Variants in CENPL observed in about 807,000 individuals in gnomAD.
CENPL encodes centromere protein L.
CENPL carries 20 observed loss-of-function variants against 35.2 expected under a neutral mutation model. The ratio of observed to expected loss-of-function variants is 0.57; its 90% CI spans 0.40 to 0.83. CENPL has a LOEUF of 0.83. CENPL is among the 40% of genes least tolerant of loss of function. The pLI, the probability that CENPL is intolerant of heterozygous loss-of-function variation, is 0.00. For missense variants in CENPL, 363 were observed against 395.8 expected, an observed-to-expected ratio of 0.92 and a Z score of 0.70; for synonymous variants, 140 against 140.6, an observed-to-expected ratio of 1.00 and a Z score of 0.03.
At position 173,807,531 on chromosome 1, in the gene CENPL, AT is replaced by A. The variant is rs752114014; in HGVS notation, c.169-14del. The A allele has an allele frequency of 4.4e-5, 66 of 1,486,190 alleles. No individual in the cohort carries two copies. Among genetic ancestry groups the A allele is most frequent in the Non-Finnish European group, 5.8e-5 (65 of 1,111,668 alleles). The allele number at this position is 1,486,190 out of a possible 1,614,324, so 92.1% of individuals were successfully genotyped here. A position where few individuals can be genotyped will look rare whatever the true frequency, so the allele number is the denominator to read the frequency against. On this transcript the variant is annotated splice_polypyrimidine_tract_variant and intron_variant, in intron 3 of 5. Coordinates refer to ENST00000682279, the MANE Select transcript of CENPL (RefSeq NM_001387287.1). ...GGTCAACATCTTCCTATAAAAAAAAATCAAGACAAAAGAAGTTTAAGAATTA... is the reference window on the plus strand; with the variant it reads ...GGTCAACATCTTCCTATAAAAAAAAACAAGACAAAAGAAGTTTAAGAATTA...
At chr1:173,801,752 G>C (rs977779701) in intron 5 of CENPL, among the ~76,000 whole-genome samples, 1 of 152,056 alleles carries the variant, frequency 6.6e-6, no homozygotes, top group African/African-American at 2.4e-5. Context: ...CCCAGGAGGC[G>C]GAAGTTGCAG....
intron 2 of CENPL, among the ~76,000 whole-genome samples, chr1:173,812,424 C>G (rs980174726): frequency 6.6e-6 from 1 of 152,208 alleles, no homozygotes; most frequent in African/African-American, 2.4e-5. Context: ...TAGGGGCCGA[C>G]TGACACCTCA....
At chr1:173,819,790 C>T (rs1394671886) in intron 2 of CENPL, among the ~76,000 whole-genome samples, 1 of 151,960 alleles carries the variant, frequency 6.6e-6, no homozygotes, top group Non-Finnish European at 1.5e-5. Flanking sequence ...CTCCTGGGCT[C>T]CAGCAATTCT....
chr1:173,803,625 A>G (rs1649959215), intron 4 of CENPL, 120 bp from the exon 5 acceptor site: 4 of 838,738 alleles, frequency 4.8e-6, no homozygotes, highest in Non-Finnish European at 1.8e-6. Flanking sequence ...AAAAAAAAAC[A>G]TAGAGGGAAT....
chr1:173,813,285 G>C lies in CENPL; in HGVS notation c.-7-1979C>G, dbSNP rs527519342. On this transcript the variant is annotated intron_variant, in intron 2 of 5. Coordinates refer to ENST00000682279, the MANE Select transcript of CENPL (RefSeq NM_001387287.1). ...TATCCAGGAGAACTTCCCCAACCTA[G>C]CAAGGCAGGCCAACATTCAAATTCA... is the stretch of plus-strand genomic sequence containing the variant. 3.3e-5 allele frequency among the ~76,000 whole-genome samples: 5 copies of C among 152,294 alleles called. No homozygotes were observed. In the South Asian group the frequency reaches 1.0e-3, roughly 32 times the overall value.
At chr1:173,809,400 A>T (rs1254996856) in intron 3 of CENPL, among the ~76,000 whole-genome samples, 1 of 151,808 alleles carries the variant, frequency 6.6e-6, no homozygotes, top group Non-Finnish European at 1.5e-5. Flanking sequence ...ACCAGCCTGG[A>T]CAACAGGGTG....
At chr1:173,819,514 G>C (rs554271568) in intron 2 of CENPL, among the ~76,000 whole-genome samples, 1 of 151,664 alleles carries the variant, frequency 6.6e-6, no homozygotes, top group East Asian at 2.0e-4. Flanking sequence ...GCTTGAACCC[G>C]GGAGGTGGAG....
At chr1:173,813,095 C>T (rs888311665) in intron 2 of CENPL, among the ~76,000 whole-genome samples, 1 of 151,834 alleles carries the variant, frequency 6.6e-6, no homozygotes, top group Admixed American at 6.6e-5. Context: ...ATCAAATTAA[C>T]GAAATAAAGC....
chr1:173,805,814 C>T (rs12561931), intron 4 of CENPL, among the ~76,000 whole-genome samples: 34,717 of 151,990 alleles, frequency 0.23, 4,416 homozygotes, highest in Middle Eastern at 0.39. Context: ...AAGCATCATA[C>T]CAGCCTCGGA....
intron 2 of CENPL, among the ~76,000 whole-genome samples, chr1:173,814,583 A>G (rs1651172912): frequency 6.6e-6 from 1 of 152,220 alleles, no homozygotes; most frequent in Admixed American, 6.5e-5. Flanking sequence ...CTGAATGACT[A>G]CTGGTTAAAT....
Position 173,811,180 on chromosome 1 carries a change from A to C in CENPL, c.120T>G (p.Phe40Leu). The stretch of plus-strand genomic sequence containing the variant: ...TTTTCCTTCGAGGTGGAGTCAGGAT[A>C]AATGAACTCTGCTTCCTGACCGATT... ...RLESVRKQSSFILTPPRRKIP... is the reference protein window; with the variant it reads ...RLESVRKQSSLILTPPRRKIP... The change falls in exon 3 of 6, where the codon TTT (phenylalanine) becomes TTG (leucine). Residue 40 changes from phenylalanine to leucine, a missense_variant. Phe to Leu is a conservative substitution (Grantham distance 22, BLOSUM62 0). Coordinates refer to ENST00000682279, the MANE Select transcript of CENPL (RefSeq NM_001387287.1). The C allele has an allele frequency of 6.2e-7, 1 of 1,614,090 alleles. No individual in the cohort carries two copies. The highest frequency in any genetic ancestry group is 2.2e-5 in the East Asian group (1 of 44,876).
chr1:173,803,455 C>T lies in CENPL; in HGVS notation c.471G>A (p.Leu157=), dbSNP rs765725420. The change falls in exon 5 of 6, where the codon CTG becomes CTA. Residue 157 remains leucine (L), a synonymous_variant. Coordinates refer to ENST00000682279, the MANE Select transcript of CENPL (RefSeq NM_001387287.1). ...ATACACAGCAGAACCAGCCAGTCCACAGCACTTTACCTTCTCTATTCTCAG... is the reference window on the plus strand; with the variant it reads ...ATACACAGCAGAACCAGCCAGTCCATAGCACTTTACCTTCTCTATTCTCAG... ...LPSENREGKV[L]WTGWFCCVFG... 4 of 1,609,140 alleles carry T rather than the reference C, an allele frequency of 2.5e-6. No homozygotes were observed. The African/African-American group carries it at 5.4e-5, about 22-fold the overall frequency.
intron 4 of CENPL, among the ~76,000 whole-genome samples, chr1:173,804,704 CTCTTT>C (rs1241144606): frequency 6.6e-6 from 1 of 152,166 alleles, no homozygotes; most frequent in East Asian, 1.9e-4. Context: ...ACATTTTAAT[CTCTTT>C]TGATTTGGCT....
chr1:173,808,791 C>T (rs940263698), intron 3 of CENPL, among the ~76,000 whole-genome samples: 14 of 151,956 alleles, frequency 9.2e-5, no homozygotes, highest in African/African-American at 2.7e-4. Flanking sequence ...AAACCCTGGA[C>T]GACAACCTAG....
At chr1:173,808,903 C>T (rs967319413) in intron 3 of CENPL, among the ~76,000 whole-genome samples, 1 of 152,068 alleles carries the variant, frequency 6.6e-6, no homozygotes, top group Non-Finnish European at 1.5e-5. Flanking sequence ...TCTAATTAAA[C>T]TAAAGGGCTT....
At chr1:173,814,347 C>A (rs1651147202) in intron 2 of CENPL, among the ~76,000 whole-genome samples, 1 of 152,168 alleles carries the variant, frequency 6.6e-6, no homozygotes, top group Admixed American at 6.5e-5. Context: ...TAGACATCTA[C>A]ATAACTCTCC....
chr1:173,805,717 C>CA (rs1650165251), intron 4 of CENPL, among the ~76,000 whole-genome samples: 1 of 152,090 alleles, frequency 6.6e-6, no homozygotes, highest in African/African-American at 2.4e-5. Flanking sequence ...CTGCTGGAGA[C>CA]ATCTTATGTT....
At chr1:173,808,831 A>G (rs1048150750) in intron 3 of CENPL, among the ~76,000 whole-genome samples, 2 of 152,198 alleles carry the variant, frequency 1.3e-5, no homozygotes, top group African/African-American at 4.8e-5. Context: ...AGGTACAGGC[A>G]AAGATTTCAT....
intron 2 of CENPL, among the ~76,000 whole-genome samples, chr1:173,820,918 T>C (rs986888464): frequency 3.3e-5 from 5 of 152,154 alleles, no homozygotes; most frequent in Non-Finnish European, 7.4e-5. Flanking sequence ...AATGTGACTA[T>C]AAAAAGGCAA....
Sources: gnomAD v4.1 joint callset for allele counts (sites outside exome capture counted in the v4.1 genomes callset) on GRCh38, gnomAD v4.1.1 for gene constraint, MANE v1.5 for transcripts, NCBI Gene and HGNC (gene_info 2026-07-23, HGNC 2026-07-21) for gene names.